KIAA1586: variants seen among roughly 807,000 people sequenced by gnomAD.
KIAA1586 encodes KIAA1586.
KIAA1586 carries 5 observed loss-of-function variants against 6.1 expected under a neutral mutation model. That is an observed-to-expected ratio of 0.82 (90% CI 0.43 to 1.73). KIAA1586 has a LOEUF of 1.73. Among genes scored for constraint, KIAA1586 ranks in the 40% most tolerant of loss-of-function variants. The probability of loss-of-function intolerance (pLI) is 0.02; values close to 1 mark genes in which losing one functional copy is unlikely to be tolerated. For synonymous variants in KIAA1586, 280 were observed against 301.7 expected (o/e 0.93, Z 0.75); for missense variants, 899 against 878.2 (o/e 1.02, Z -0.30).
rs780637881 is a variant in KIAA1586 at position 57,053,037 on chromosome 6, G to A, written c.538G>A (p.Val180Met). Residue 180 changes from valine (V) to methionine (M), a missense_variant, in exon 4 of 4, where the codon GTG becomes ATG. Physicochemically the swap from Val to Met is conservative, Grantham distance 21. Transcript: ENST00000370733. ...LGSKAEKHVH[V>M]SKEWIAYLVT... ...ATCGAAAGCAGAAAAGCATGTCCATGTGTCCAAGGAATGGATTGCATATTT... is the reference window on the plus strand; with the variant it reads ...ATCGAAAGCAGAAAAGCATGTCCATATGTCCAAGGAATGGATTGCATATTT... The A allele has an allele frequency of 6.2e-7, 1 of 1,613,862 alleles. No homozygotes were observed. The highest frequency in any genetic ancestry group is 1.7e-5 in the Admixed American group (1 of 59,990).
chr6:57,054,513 C>T lies in KIAA1586; in HGVS notation c.2014C>T (p.Arg672Trp), dbSNP rs201306587. Residue 672 changes from arginine (R) to tryptophan (W), a missense_variant, in exon 4 of 4, where the codon CGG becomes TGG. By Grantham distance (101) the Arg-to-Trp change is moderately radical (BLOSUM62 -3). Transcript: ENST00000370733. ...LKYEVDLNDF[R>W]EFVNNNIKSN... ...ATATGAAGTTGATTTGAATGATTTTCGGGAATTTGTAAATAATAATATAAA... is the reference window on the plus strand; with the variant it reads ...ATATGAAGTTGATTTGAATGATTTTTGGGAATTTGTAAATAATAATATAAA... 3.1e-4 allele frequency: 486 copies of T among 1,592,522 alleles called. No homozygotes were observed. Among genetic ancestry groups the T allele is most frequent in the Non-Finnish European group, 3.6e-4 (427 of 1,170,290 alleles).
At chr6:57,062,140 AG>A in the KIAA1586 span, among the ~76,000 whole-genome samples, 3 of 152,150 alleles carry the variant, frequency 2.0e-5, no homozygotes. Context: ...CATGTTGCCC[AG>A]GCTGGTCTCA....
At chr6:57,058,467 C>G (rs1340179742), downstream of KIAA1586, among the ~76,000 whole-genome samples, 1 of 152,132 alleles carries the variant, frequency 6.6e-6, no homozygotes, top group Non-Finnish European at 1.5e-5. Flanking sequence ...TGTGGAAGAG[C>G]TCTACAAAAC....
chr6:57,058,938 T>C (rs970537050), downstream of KIAA1586, among the ~76,000 whole-genome samples: 7 of 152,230 alleles, frequency 4.6e-5, no homozygotes, highest in South Asian at 2.1e-4. Flanking sequence ...TTCAAACTTA[T>C]ATGCTTTTGG....
At chr6:57,064,589 A>G in the KIAA1586 span, among the ~76,000 whole-genome samples, 1 of 152,282 alleles carries the variant, frequency 6.6e-6, no homozygotes, top group Non-Finnish European at 1.5e-5. Flanking sequence ...ATGCTGTGCC[A>G]CAGAATTTCT....
Sources: allele counts gnomAD v4.1 joint callset (sites outside exome capture counted in the v4.1 genomes callset), GRCh38; gene constraint gnomAD v4.1.1; transcripts MANE v1.5; gene names NCBI Gene and HGNC (gene_info 2026-07-23, HGNC 2026-07-21).